ANKRD26: variants seen among roughly 807,000 people sequenced by gnomAD.
ANKRD26 encodes ankyrin repeat domain-containing protein 26.
A neutral mutation model predicts 208.7 loss-of-function variants in ANKRD26; 141 were observed. The ratio of observed to expected loss-of-function variants is 0.68; its 90% CI spans 0.59 to 0.78. ANKRD26 has a LOEUF of 0.78. Among genes scored for constraint, ANKRD26 ranks in the 30% least tolerant of loss-of-function variants. The probability of loss-of-function intolerance (pLI) is 0.00; values close to 1 mark genes in which losing one functional copy is unlikely to be tolerated. For missense variants in ANKRD26, 1,889 were observed against 1,938.7 expected (o/e 0.97, Z 0.48); for synonymous variants, 636 against 660.4 (o/e 0.96, Z 0.57).
At chr10:27,068,178 G>A (rs1474102469) in intron 9 of ANKRD26, among the ~76,000 whole-genome samples, 1 of 152,184 alleles carries the variant, frequency 6.6e-6, no homozygotes, top group Non-Finnish European at 1.5e-5. Context: ...AGACACCAGA[G>A]GAGATAACTG....
At chr10:27,051,948 T>C in intron 16 of ANKRD26, 1 of 985,392 alleles carries the variant, frequency 1.0e-6, no homozygotes, top group Non-Finnish European at 1.2e-6. Context: ...TAATTTGCCT[T>C]GTTTGGTCCA....
At chr10:26,982,059 T>G (rs891160987) in intron 4 of ANKRD26, among the ~76,000 whole-genome samples, 2 of 152,048 alleles carry the variant, frequency 1.3e-5, no homozygotes, top group Non-Finnish European at 2.9e-5. Flanking sequence ...AATCTTTATT[T>G]TAACATAAGA....
chr10:27,063,490 T>G (rs2135466338), intron 12 of ANKRD26, among the ~76,000 whole-genome samples: 1 of 151,978 alleles, frequency 6.6e-6, no homozygotes, highest in South Asian at 2.1e-4. Flanking sequence ...CCAGCTAATT[T>G]TTGTATTTTT....
intron 5 of ANKRD26, among the ~76,000 whole-genome samples, chr10:26,977,247 T>A (rs1009764335): frequency 3.3e-5 from 5 of 152,198 alleles, no homozygotes; most frequent in African/African-American, 1.2e-4. Context: ...ACCCGTGTAT[T>A]CCCTAGGAGT....
At chr10:27,051,280 A>G (rs772239626) in intron 16 of ANKRD26, 17 of 1,289,428 alleles carry the variant, frequency 1.3e-5, no homozygotes, top group Non-Finnish European at 1.7e-5. Context: ...GGCTTCTGGA[A>G]CAAGTTCTGT....
chr10:27,020,708 G>C (rs2053457497), intron 29 of ANKRD26, among the ~76,000 whole-genome samples: 1 of 152,092 alleles, frequency 6.6e-6, no homozygotes, highest in Non-Finnish European at 1.5e-5. Context: ...ACCCAGGCTG[G>C]AGTGCAATGG....
At chr10:27,056,993 T>G (rs1363766682) in intron 15 of ANKRD26, among the ~76,000 whole-genome samples, 2 of 152,218 alleles carry the variant, frequency 1.3e-5, no homozygotes, top group Non-Finnish European at 2.9e-5. Flanking sequence ...GTTCTGCGGA[T>G]GCTGACTGAT....
At chr10:26,967,146 C>G in the ANKRD26 span, among the ~76,000 whole-genome samples, 1 of 152,106 alleles carries the variant, frequency 6.6e-6, no homozygotes, top group African/African-American at 2.4e-5. Context: ...ATTCTTCTTA[C>G]AACAAAATAA....
At chr10:27,026,661 T>A (rs575010448) in intron 27 of ANKRD26, among the ~76,000 whole-genome samples, 2 of 152,222 alleles carry the variant, frequency 1.3e-5, no homozygotes, top group Admixed American at 6.5e-5. Context: ...AAAGTGTGAA[T>A]GACCAGAGAA....
intron 16 of ANKRD26, among the ~76,000 whole-genome samples, chr10:27,050,657 T>A (rs10764664): frequency 0.51 from 78,280 of 152,024 alleles, 22,489 homozygotes; most frequent in Non-Finnish European, 0.65. Context: ...TCTCAGTCAC[T>A]GCTTCTCTCC....
At chr10:27,018,758 T>C (rs552717639) in intron 29 of ANKRD26, among the ~76,000 whole-genome samples, 5 of 152,232 alleles carry the variant, frequency 3.3e-5, no homozygotes, top group South Asian at 2.1e-4. Context: ...CTTGAATAAA[T>C]AGTGCTGGGA....
chr10:27,020,274 CATTT>C (rs530385177), intron 29 of ANKRD26, among the ~76,000 whole-genome samples: 4 of 152,158 alleles, frequency 2.6e-5, no homozygotes, highest in Non-Finnish European at 4.4e-5. Context: ...AAACATTTAT[CATTT>C]ATTTGTCTTG....
chr10:27,098,915 C>G (rs113728321), intron 1 of ANKRD26, among the ~76,000 whole-genome samples: 5 of 152,166 alleles, frequency 3.3e-5, no homozygotes, highest in Admixed American at 6.5e-5. Flanking sequence ...TATAATCAAA[C>G]TTTTTTTCTC....
At chr10:26,951,014 T>TTTTC in the ANKRD26 span, among the ~76,000 whole-genome samples, 1,330 of 42,712 alleles carry the variant, frequency 0.031, 154 homozygotes, top group East Asian at 0.24. Context: ...TTTTCTTTTC[T>TTTTC]TTTTCTTTTT....
chr10:26,948,162 A>G, the ANKRD26 span, among the ~76,000 whole-genome samples: 1 of 152,208 alleles, frequency 6.6e-6, no homozygotes. Flanking sequence ...GCTGGTCTTC[A>G]ACTCCTGACC....
At chr10:27,048,644 CATT>C (rs1589280524) in intron 17 of ANKRD26, among the ~76,000 whole-genome samples, 154 bp downstream of exon 17, 1 of 152,196 alleles carries the variant, frequency 6.6e-6, no homozygotes, top group Admixed American at 6.5e-5. Flanking sequence ...ACTGGTATCT[CATT>C]GTTTGCTAAT....
downstream of ANKRD26, among the ~76,000 whole-genome samples, chr10:27,002,746 A>G (rs2052753023): frequency 6.6e-6 from 1 of 152,244 alleles, no homozygotes; most frequent in African/African-American, 2.4e-5. Flanking sequence ...TGAGCCTGCC[A>G]TATTTGTGAC....
chr10:27,048,324 T>C (rs181607640), intron 17 of ANKRD26, among the ~76,000 whole-genome samples: 4 of 152,286 alleles, frequency 2.6e-5, no homozygotes, highest in Non-Finnish European at 5.9e-5. Context: ...TTAAAATACA[T>C]ACATTATTTA....
In ANKRD26 at chr10:26,981,361, G is replaced by A. The variant is rs552801988; in HGVS notation, c.*18-522C>T. ...TAGGATGGTCTTTGTGCTGTGTGCT[G>A]AAGAGGGCTGTGTGCAATACTGATA... is the stretch of plus-strand genomic sequence containing the variant. On this transcript the variant is annotated intron_variant and NMD_transcript_variant, in intron 4 of 5. Coordinates refer to the ANKRD26 transcript ENST00000674670. Among the ~76,000 whole-genome samples, 3 of 152,324 alleles carry A rather than the reference G, an allele frequency of 2.0e-5. No individual in the cohort carries two copies. In the South Asian group the frequency reaches 6.2e-4, roughly 32 times the overall value.
Sources: allele counts gnomAD v4.1 joint callset (sites outside exome capture counted in the v4.1 genomes callset), GRCh38; gene constraint gnomAD v4.1.1; transcripts MANE v1.5; gene names NCBI Gene and HGNC (gene_info 2026-07-23, HGNC 2026-07-21).